NRG1: variants seen among roughly 807,000 people sequenced by gnomAD.
NRG1 encodes the protein pro-neuregulin-1, membrane-bound isoform.
Under a neutral mutation model 63.8 loss-of-function variants are expected in NRG1, and 18 were observed. That is an observed-to-expected ratio of 0.28 (90% confidence interval 0.19 to 0.42). The LOEUF (loss-of-function observed/expected upper bound fraction) is 0.42, where lower values mean the gene tolerates loss of function less well. Ranked by LOEUF, NRG1 falls within the 10% of genes least tolerant of loss-of-function variation. NRG1 has a pLI of 1.00. For missense variants in NRG1, 762 were observed against 814.7 expected, an observed-to-expected ratio of 0.94 and a Z score of 0.79; for synonymous variants, 302 against 301.3, an observed-to-expected ratio of 1.00 and a Z score of -0.02.
Position 31,940,990 on chromosome 8 carries a change from C to T in NRG1, c.37+301559C>T, listed in dbSNP as rs76494429. 2.2e-4 allele frequency among the ~76,000 whole-genome samples: 33 copies of T among 152,124 alleles called. No homozygotes were observed. The East Asian group carries it at 5.6e-3, about 26-fold the overall frequency. On this transcript the variant is annotated intron_variant, in intron 1 of 10. Coordinates refer to the NRG1 transcript ENST00000519301. ...CAGACATTCAAAGAAGAATTGGTAC[C>T]AATCCTACTGAAAATCTTCCAAATG...
At chr8:32,457,438 A>T (rs1385091342) in intron 1 of NRG1, among the ~76,000 whole-genome samples, 1 of 152,186 alleles carries the variant, frequency 6.6e-6, no homozygotes, top group Non-Finnish European at 1.5e-5. Context: ...TAGAAAGCAA[A>T]TTATTTCCAC....
chr8:32,765,072 C>A (rs1215358540), exon 12 of NRG1: 1 of 152,082 alleles, frequency 6.6e-6, no homozygotes, highest in Admixed American at 6.6e-5. Flanking sequence ...CTTGCTCTTA[C>A]TAAAAGGAGC....
intron 1 of NRG1, among the ~76,000 whole-genome samples, chr8:32,441,949 C>T (rs1315119732): frequency 6.6e-6 from 1 of 152,026 alleles, no homozygotes; most frequent in East Asian, 1.9e-4. Flanking sequence ...CAAAATAAAG[C>T]ATATTTAAAG....
intron 1 of NRG1, among the ~76,000 whole-genome samples, chr8:32,270,232 T>C (rs1695304453): frequency 6.6e-6 from 1 of 152,194 alleles, no homozygotes; most frequent in Non-Finnish European, 1.5e-5. Context: ...CAATATGTCA[T>C]GTGGAGTCAT....
intron 1 of NRG1, among the ~76,000 whole-genome samples, chr8:31,641,212 AC>A (rs1347089783): frequency 2.0e-5 from 3 of 152,198 alleles, no homozygotes; most frequent in African/African-American, 7.2e-5. Context: ...GGGGCAGTGC[AC>A]TGACATTCCC....
intron 7 of NRG1, chr8:32,749,891 T>C (rs184896332): frequency 3.7e-5 from 13 of 353,834 alleles, no homozygotes; most frequent in African/African-American, 2.4e-4. Flanking sequence ...TCTGCTGTTA[T>C]ATAAAAGCTG....
At chr8:32,054,260 G>A (rs1262895711) in intron 1 of NRG1, among the ~76,000 whole-genome samples, 1 of 152,158 alleles carries the variant, frequency 6.6e-6, no homozygotes, top group Non-Finnish European at 1.5e-5. Flanking sequence ...ATAATACCAT[G>A]TTGTGCAGTG....
chr8:32,646,504 A>C (rs2129546601), intron 5 of NRG1, among the ~76,000 whole-genome samples: 1 of 152,302 alleles, frequency 6.6e-6, no homozygotes, highest in Admixed American at 6.5e-5. Context: ...CAGATAGCAG[A>C]CTTCAAGCCT....
At chr8:31,883,886 T>C (rs747048797) in intron 1 of NRG1, among the ~76,000 whole-genome samples, 2 of 152,146 alleles carry the variant, frequency 1.3e-5, no homozygotes, top group African/African-American at 2.4e-5. Flanking sequence ...CTTGTGATTC[T>C]GTAACATCTT....
At chr8:32,161,079 T>C (rs1838773490) in intron 1 of NRG1, among the ~76,000 whole-genome samples, 2 of 152,220 alleles carry the variant, frequency 1.3e-5, no homozygotes, top group Admixed American at 6.5e-5. Flanking sequence ...GACTAATATA[T>C]AGATATTTAA....
intron 1 of NRG1, among the ~76,000 whole-genome samples, chr8:31,934,504 C>T (rs749555664): frequency 2.1e-4 from 30 of 143,164 alleles, no homozygotes; most frequent in Non-Finnish European, 2.7e-4. Context: ...TGGCTCACTG[C>T]AACCTCTACC....
chr8:32,500,594 G>A (rs1827750433), intron 1 of NRG1, among the ~76,000 whole-genome samples: 1 of 152,156 alleles, frequency 6.6e-6, no homozygotes, highest in African/African-American at 2.4e-5. Context: ...CTGTTCCAAG[G>A]AGAATAGATT....
intron 1 of NRG1, among the ~76,000 whole-genome samples, chr8:32,561,143 A>T (rs575768031): frequency 2.4e-4 from 37 of 152,290 alleles, no homozygotes; most frequent in South Asian, 2.1e-4. Flanking sequence ...AGATCTCCAG[A>T]TTTCAGGGTA....
intron 1 of NRG1, among the ~76,000 whole-genome samples, chr8:32,140,939 TTC>T (rs147651599): frequency 3.8e-4 from 57 of 148,700 alleles, no homozygotes; most frequent in Admixed American, 5.4e-4. Context: ...TTTATGCACC[TTC>T]TCTCTCTCTC....
At chr8:32,503,170 C>G (rs779701765) in intron 1 of NRG1, among the ~76,000 whole-genome samples, 4 of 151,330 alleles carry the variant, frequency 2.6e-5, no homozygotes, top group African/African-American at 4.9e-5. Context: ...GCCTGTAGTC[C>G]CAGCTACTCA....
At chr8:31,695,632 CAG>C (rs1809984714) in intron 1 of NRG1, among the ~76,000 whole-genome samples, 1 of 152,220 alleles carries the variant, frequency 6.6e-6, no homozygotes, top group Admixed American at 6.5e-5. Context: ...GGTAGGGACA[CAG>C]AGCCAAACCA....
At chr8:32,749,847 T>G (rs1164975614) in intron 7 of NRG1, 1 of 518,760 alleles carries the variant, frequency 1.9e-6, no homozygotes, top group East Asian at 3.4e-5. Flanking sequence ...TTCACATATA[T>G]CCCACGCTGC....
At chr8:32,233,100 TTAG>T (rs984114000) in intron 1 of NRG1, among the ~76,000 whole-genome samples, 18 of 152,046 alleles carry the variant, frequency 1.2e-4, no homozygotes, top group African/African-American at 4.1e-4. Context: ...TATATTATTA[TTAG>T]TAGTAGTAGT....
intron 1 of NRG1, among the ~76,000 whole-genome samples, chr8:32,356,017 T>C (rs187221185): frequency 1.3e-5 from 2 of 151,966 alleles, no homozygotes; most frequent in African/African-American, 2.4e-5. Context: ...GCAGGAAAAA[T>C]TGGGGTTTTG....
Sources: gnomAD v4.1 joint callset for allele counts (sites outside exome capture counted in the v4.1 genomes callset) on GRCh38, gnomAD v4.1.1 for gene constraint, MANE v1.5 for transcripts, NCBI Gene and HGNC (gene_info 2026-07-23, HGNC 2026-07-21) for gene names.